Variants in NKAIN2 observed in about 807,000 individuals in gnomAD.
NKAIN2 encodes sodium/potassium transporting ATPase interacting 2, also known as sodium/potassium-transporting ATPase subunit beta-1-interacting protein 2.
Under a neutral mutation model 32.6 loss-of-function variants are expected in NKAIN2, and 14 were observed. That is an observed-to-expected ratio of 0.43 (90% CI 0.28 to 0.67). NKAIN2 has a LOEUF of 0.67. Among genes scored for constraint, NKAIN2 ranks in the 30% least tolerant of loss-of-function variants. NKAIN2 has a pLI of 0.17. For synonymous variants in NKAIN2, 80 were observed against 87.2 expected, an observed-to-expected ratio of 0.92 and a Z score of 0.46; for missense variants, 198 against 258.3, an observed-to-expected ratio of 0.77 and a Z score of 1.60.
At position 124,331,528 on chromosome 6, in the gene NKAIN2, C is replaced by CAAAAA. The variant is rs764118499; in HGVS notation, c.193-23721_193-23717dup. Among the ~76,000 whole-genome samples, 158 of 66,926 alleles carry CAAAAA rather than the reference C, an allele frequency of 2.4e-3. 2 individuals carry two copies. The highest frequency in any genetic ancestry group is 8.3e-3 in the African/African-American group (152 of 18,366). 43.9% of individuals were successfully genotyped at this position (66,926 alleles called of 152,430 possible). On this transcript the variant is annotated intron_variant, in intron 2 of 6. Coordinates refer to ENST00000368417, the MANE Select transcript of NKAIN2 (RefSeq NM_001040214.3). ...TGGGTGACAGAGCGAGACTCCGTCT[C>CAAAAA]AAAAAAAAAAAAAAAAAAAAAATCA...
chr6:124,006,261 T>C (rs1780070700), intron 1 of NKAIN2, among the ~76,000 whole-genome samples: 1 of 152,142 alleles, frequency 6.6e-6, no homozygotes, highest in Non-Finnish European at 1.5e-5. Context: ...GTTTCAACAC[T>C]CATGGCTTTT....
At chr6:124,378,923 C>T (rs1203591778) in intron 3 of NKAIN2, among the ~76,000 whole-genome samples, 1 of 142,980 alleles carries the variant, frequency 7.0e-6, no homozygotes, top group Non-Finnish European at 1.5e-5. Flanking sequence ...AGAGACCTGA[C>T]TCTACATTTT....
At chr6:124,123,558 G>A (rs901659727) in intron 1 of NKAIN2, among the ~76,000 whole-genome samples, 3 of 151,998 alleles carry the variant, frequency 2.0e-5, no homozygotes, top group Non-Finnish European at 2.9e-5. Flanking sequence ...CGCATTCATA[G>A]CAATATCTAA....
At chr6:124,357,312 C>A (rs1799030893) in intron 3 of NKAIN2, among the ~76,000 whole-genome samples, 1 of 151,912 alleles carries the variant, frequency 6.6e-6, no homozygotes, top group Non-Finnish European at 1.5e-5. Context: ...TCCTCTCTTT[C>A]GTGTTCAAAG....
intron 1 of NKAIN2, among the ~76,000 whole-genome samples, chr6:124,154,064 T>C (rs1787863670): frequency 6.6e-6 from 1 of 151,790 alleles, no homozygotes; most frequent in Non-Finnish European, 1.5e-5. Flanking sequence ...GAAATAATTA[T>C]GATTTTTTTC....
At chr6:124,408,668 T>C (rs1243767980) in intron 3 of NKAIN2, among the ~76,000 whole-genome samples, 3 of 152,282 alleles carry the variant, frequency 2.0e-5, no homozygotes, top group Admixed American at 6.5e-5. Flanking sequence ...TAGGATTGTC[T>C]TGGCAATGTG....
chr6:124,230,643 C>T (rs1227645247), intron 1 of NKAIN2, among the ~76,000 whole-genome samples: 1 of 152,148 alleles, frequency 6.6e-6, no homozygotes, highest in Non-Finnish European at 1.5e-5. Flanking sequence ...GTCATGACTA[C>T]AAGGGGCCAA....
intron 3 of NKAIN2, among the ~76,000 whole-genome samples, chr6:124,609,178 C>T (rs1782601382): frequency 6.6e-6 from 1 of 152,080 alleles, no homozygotes; most frequent in Non-Finnish European, 1.5e-5. Flanking sequence ...AGTTACCTGA[C>T]CAATATTTCC....
chr6:124,810,639 A>G (rs1780855129), intron 5 of NKAIN2, among the ~76,000 whole-genome samples: 1 of 152,086 alleles, frequency 6.6e-6, no homozygotes, highest in South Asian at 2.1e-4. Context: ...AATAATAAAA[A>G]TAAACAAATA....
At chr6:123,845,276 A>G (rs1775042457) in intron 1 of NKAIN2, among the ~76,000 whole-genome samples, 2 of 152,240 alleles carry the variant, frequency 1.3e-5, no homozygotes, top group South Asian at 4.1e-4. Flanking sequence ...GTCATCTGCA[A>G]TAGTTTAAAA....
In NKAIN2 at chr6:124,558,586, G is replaced by A. The variant is rs529963042; in HGVS notation, c.274-99600G>A. 3.9e-5 allele frequency among the ~76,000 whole-genome samples: 6 copies of A among 152,250 alleles called. No individual in the cohort carries two copies. The East Asian group carries it at 1.2e-3, about 29-fold the overall frequency. On this transcript the variant is annotated intron_variant, in intron 3 of 6. Transcript: ENST00000368417. ...TATTTTTGGAATGAAAGCCTGATCTGCTTTTCAAGATGCCCTAAGAGTTGG... is the reference window on the plus strand; with the variant it reads ...TATTTTTGGAATGAAAGCCTGATCTACTTTTCAAGATGCCCTAAGAGTTGG...
intron 4 of NKAIN2, among the ~76,000 whole-genome samples, chr6:124,706,077 C>T (rs2325911): frequency 6.6e-6 from 1 of 151,874 alleles, no homozygotes; most frequent in Non-Finnish European, 1.5e-5. Flanking sequence ...ATCTCTGGAG[C>T]GTTAAGTTCC....
intron 4 of NKAIN2, among the ~76,000 whole-genome samples, chr6:124,680,951 AT>A (rs1773594063): frequency 6.6e-6 from 1 of 152,150 alleles, no homozygotes; most frequent in East Asian, 1.9e-4. Flanking sequence ...TAAATAAAAA[AT>A]AATCCAAAAT....
At chr6:124,048,650 A>G (rs1782256067) in intron 1 of NKAIN2, among the ~76,000 whole-genome samples, 1 of 152,102 alleles carries the variant, frequency 6.6e-6, no homozygotes, top group Admixed American at 6.6e-5. Flanking sequence ...GCAAGAGACT[A>G]AAATGCCTTC....
chr6:124,214,599 A>C (rs9491088), intron 1 of NKAIN2, among the ~76,000 whole-genome samples: 5,708 of 152,010 alleles, frequency 0.038, 362 homozygotes, highest in African/African-American at 0.13. Context: ...AAATACAAAA[A>C]CTAGCCAGAC....
rs549154045 is a variant in NKAIN2, at chr6:124,002,265, G to A, written c.54+198011G>A. 7.9e-5 allele frequency among the ~76,000 whole-genome samples: 12 copies of A among 152,088 alleles called. No homozygotes were observed. The South Asian group carries it at 2.3e-3, about 29-fold the overall frequency. On this transcript the variant is annotated intron_variant, in intron 1 of 6. Coordinates refer to ENST00000368417, the MANE Select transcript of NKAIN2 (RefSeq NM_001040214.3). The stretch of plus-strand genomic sequence containing the variant: ...TATCAGACATTCTCAGATAATACGT[G>A]GTTGGGGATAGAGGGAAAACATTAA...
intron 4 of NKAIN2, among the ~76,000 whole-genome samples, chr6:124,768,113 T>G (rs1778590151): frequency 6.6e-6 from 1 of 152,178 alleles, no homozygotes; most frequent in Admixed American, 6.5e-5. Context: ...TACATCCTCA[T>G]TCTAGAGATA....
At chr6:124,157,220 A>G (rs802267) in intron 1 of NKAIN2, among the ~76,000 whole-genome samples, 117,142 of 149,820 alleles carry the variant, frequency 0.78, 47,312 homozygotes, top group Non-Finnish European at 0.88. Flanking sequence ...TTAATTATGT[A>G]TGGGACACGG....
intron 3 of NKAIN2, among the ~76,000 whole-genome samples, chr6:124,454,993 G>T (rs995897392): frequency 2.0e-5 from 3 of 151,904 alleles, no homozygotes; most frequent in African/African-American, 4.8e-5. Context: ...ACAGAATTTT[G>T]TCTATTTATC....
Sources: allele counts gnomAD v4.1 joint callset (sites outside exome capture counted in the v4.1 genomes callset), GRCh38; gene constraint gnomAD v4.1.1; transcripts MANE v1.5; gene names NCBI Gene and HGNC (gene_info 2026-07-23, HGNC 2026-07-21).